PPP3CB: variants seen among roughly 807,000 people sequenced by gnomAD.
PPP3CB encodes the protein serine/threonine-protein phosphatase 2B catalytic subunit beta isoform.
In PPP3CB, 8 loss-of-function variants were observed where a neutral mutation model predicts 66.4. The ratio of observed to expected loss-of-function variants is 0.12; its 90% CI spans 0.07 to 0.22. PPP3CB has a LOEUF of 0.22. Among genes scored for constraint, PPP3CB ranks in the 10% least tolerant of loss-of-function variants. The probability of loss-of-function intolerance (pLI) is 1.00; values close to 1 mark genes in which losing one functional copy is unlikely to be tolerated. For synonymous variants in PPP3CB, 208 were observed against 221.2 expected (o/e 0.94, Z 0.53); for missense variants, 319 against 642.5 (o/e 0.50, Z 5.44).
At chr10:73,443,035 A>C (rs1018434637) in intron 12 of PPP3CB, among the ~76,000 whole-genome samples, 4 of 150,786 alleles carry the variant, frequency 2.7e-5, no homozygotes, top group African/African-American at 9.7e-5. Flanking sequence ...ATAAAAAATA[A>C]AAAAAATAAA....
chr10:73,463,337 C>T (rs916269218), intron 9 of PPP3CB, among the ~76,000 whole-genome samples: 7 of 152,178 alleles, frequency 4.6e-5, no homozygotes, highest in South Asian at 2.1e-4. Context: ...TTCTAAATGA[C>T]GACCACAGTC....
chr10:73,460,468 T>C (rs2056503343), intron 9 of PPP3CB, among the ~76,000 whole-genome samples: 1 of 151,998 alleles, frequency 6.6e-6, no homozygotes, highest in African/African-American at 2.4e-5. Flanking sequence ...AGAGACAAGT[T>C]AGACTGGCTT....
intron 3 of PPP3CB, chr10:73,477,075 CTAA>C: frequency 2.0e-6 from 1 of 493,588 alleles, no homozygotes; most frequent in Non-Finnish European, 4.0e-6. Flanking sequence ...ATGCTGTTTA[CTAA>C]TAATACCTTG....
intron 9 of PPP3CB, among the ~76,000 whole-genome samples, chr10:73,463,505 G>A (rs2056565644): frequency 1.3e-5 from 2 of 152,092 alleles, no homozygotes; most frequent in African/African-American, 4.8e-5. Flanking sequence ...AACCCTCAAA[G>A]AGACCTATGA....
At chr10:73,438,507 G>T (rs530036228) in intron 13 of PPP3CB, 87 bp from the exon 14 acceptor site, 1 of 1,218,330 alleles carries the variant, frequency 8.2e-7, no homozygotes, top group African/African-American at 1.5e-5. Context: ...TAAGAAGAAA[G>T]AAATTAGTAG....
chr10:73,441,485 T>TC lies in PPP3CB; in HGVS notation c.1367-1585dup, dbSNP rs1437750295. ...CGGGCATGGTGGTGTGCATATGTAA[T>TC]CCCAGCTACTCGGGAAGCTGAAGCA... On this transcript the variant is annotated intron_variant, in intron 12 of 13. Transcript: ENST00000360663. Among the ~76,000 whole-genome samples, 6 of 152,124 alleles carry TC rather than the reference T, an allele frequency of 3.9e-5. No homozygotes were observed. The East Asian group carries it at 1.2e-3, about 29-fold the overall frequency.
At chr10:73,438,513 A>G (rs1019781156) in intron 13 of PPP3CB, 93 bp from the exon 14 acceptor site, 9 of 1,027,666 alleles carry the variant, frequency 8.8e-6, no homozygotes, top group Non-Finnish European at 1.3e-5. Flanking sequence ...GAAAGAAATT[A>G]GTAGCTGTAA....
At chr10:73,465,790 T>A (rs1279731254) in intron 9 of PPP3CB, among the ~76,000 whole-genome samples, 1 of 152,178 alleles carries the variant, frequency 6.6e-6, no homozygotes, top group Non-Finnish European at 1.5e-5. Context: ...GTAGTCAGGC[T>A]ATCTAAACAG....
At chr10:73,460,749 C>T (rs2056507408) in intron 9 of PPP3CB, among the ~76,000 whole-genome samples, 1 of 152,200 alleles carries the variant, frequency 6.6e-6, no homozygotes, top group African/African-American at 2.4e-5. Context: ...GCCCATTGAC[C>T]AGAACAGCCT....
At chr10:73,448,789 G>A in intron 10 of PPP3CB, 1 of 523,174 alleles carries the variant, frequency 1.9e-6, no homozygotes, top group Non-Finnish European at 3.9e-6. Flanking sequence ...TGGTACTGAA[G>A]AATGAATGTA....
chr10:73,454,063 T>C (rs183641282), intron 10 of PPP3CB, among the ~76,000 whole-genome samples: 244 of 152,308 alleles, frequency 1.6e-3, no homozygotes, highest in African/African-American at 5.5e-3. Context: ...GCACTAAGAA[T>C]ATTGTTCTAA....
intron 12 of PPP3CB, 103 bp from the exon 13 acceptor site, chr10:73,440,004 C>G (rs1564545642): frequency 2.6e-6 from 3 of 1,165,260 alleles, no homozygotes; most frequent in East Asian, 4.8e-5. Flanking sequence ...TCACAGTATC[C>G]CATACTACAT....
At chr10:73,463,896 A>G (rs949145956) in intron 9 of PPP3CB, among the ~76,000 whole-genome samples, 3 of 150,542 alleles carry the variant, frequency 2.0e-5, no homozygotes, top group Non-Finnish European at 1.5e-5. Flanking sequence ...CGGCCTCCCA[A>G]AGTGCTGAGA....
At chr10:73,475,062 C>T in intron 3 of PPP3CB, 32 bp from the exon 4 acceptor site, 1 of 1,601,642 alleles carries the variant, frequency 6.2e-7, no homozygotes, top group African/African-American at 1.3e-5. Context: ...GTGAATTTAT[C>T]TTGTACTTTT....
intron 9 of PPP3CB, among the ~76,000 whole-genome samples, chr10:73,457,970 A>C (rs1490998391): frequency 1.3e-5 from 2 of 152,142 alleles, no homozygotes; most frequent in African/African-American, 4.8e-5. Context: ...GAGACTTGGA[A>C]GGGTAGAGAG....
chr10:73,473,009 T>C (rs1227731317), intron 4 of PPP3CB, among the ~76,000 whole-genome samples: 1 of 152,184 alleles, frequency 6.6e-6, no homozygotes, highest in East Asian at 1.9e-4. Flanking sequence ...AATATTCAAA[T>C]ATTAAAAAAA....
intron 10 of PPP3CB, among the ~76,000 whole-genome samples, chr10:73,452,482 G>A (rs1386559030): frequency 1.3e-5 from 2 of 152,118 alleles, no homozygotes; most frequent in Non-Finnish European, 2.9e-5. Context: ...GATCATCTGA[G>A]GTCAGGAGTT....
rs1374066769 is a variant in PPP3CB at position 73,437,009 on chromosome 10, G to T, written c.*1233C>A. ...GAGGGAAGCAGGCCACCAAAGTAAA[G>T]GGAAATACCAAACTACAGTGGCAAT... On this transcript the variant is annotated 3_prime_UTR_variant, in exon 14 of 14. Transcript: ENST00000360663. 6.6e-6 allele frequency: 1 copy of T among 152,656 alleles called. No homozygotes were observed. The highest frequency in any genetic ancestry group is 1.5e-5 in the Non-Finnish European group (1 of 68,044). The allele number at this position is 152,656 out of a possible 1,614,324, so 9.5% of individuals were successfully genotyped here. A position where few individuals can be genotyped will look rare whatever the true frequency, so the allele number is the denominator to read the frequency against.
intron 9 of PPP3CB, among the ~76,000 whole-genome samples, chr10:73,457,469 G>C (rs1212554875): frequency 6.6e-6 from 1 of 151,686 alleles, no homozygotes; most frequent in African/African-American, 2.4e-5. Flanking sequence ...AGCTAGGCCG[G>C]GGGTCATGCC....
Sources: gnomAD v4.1 joint callset for allele counts (sites outside exome capture counted in the v4.1 genomes callset) on GRCh38, gnomAD v4.1.1 for gene constraint, MANE v1.5 for transcripts, NCBI Gene and HGNC (gene_info 2026-07-23, HGNC 2026-07-21) for gene names.